The following BCKDHB variants were observed in gnomAD, a reference collection of about 807,000 sequenced individuals.
The protein encoded by BCKDHB is branched chain keto acid dehydrogenase E1 subunit beta.
Under a neutral mutation model 48.5 loss-of-function variants are expected in BCKDHB, and 41 were observed. That is an observed-to-expected ratio of 0.85 (90% CI 0.66 to 1.10). BCKDHB has a LOEUF of 1.10. Ranked by LOEUF, BCKDHB falls within the 50% of genes least tolerant of loss-of-function variation. BCKDHB has a pLI of 0.00. For missense variants in BCKDHB, 496 were observed against 494.2 expected, an observed-to-expected ratio of 1.00 and a Z score of -0.03; for synonymous variants, 201 against 174.8, an observed-to-expected ratio of 1.15 and a Z score of -1.18.
rs187897188 is a variant in BCKDHB, at chr6:80,307,505, C to G, written c.1038+34284C>G. ...TTTCAGATATACCCCCATGAAAGAA[C>G]CTCTGTTAAATTTTCAGTAAATTAA... is the stretch of plus-strand genomic sequence containing the variant. On this transcript the variant is annotated intron_variant, in intron 9 of 9. Transcript: ENST00000320393. The G allele has an allele frequency of 1.6e-5, 16 of 984,652 alleles. No individual in the cohort carries two copies. The African/African-American group carries it at 1.9e-4, about 12-fold the overall frequency. 61.0% of individuals were successfully genotyped at this position (984,652 alleles called of 1,614,324 possible).
chr6:80,437,974 C>T, the BCKDHB span, among the ~76,000 whole-genome samples: 1 of 152,182 alleles, frequency 6.6e-6, no homozygotes, highest in South Asian at 2.1e-4. Flanking sequence ...CTATGCCTGT[C>T]CTGTGTATCT....
chr6:80,307,363 A>G (rs1220930633), intron 9 of BCKDHB: 1 of 926,102 alleles, frequency 1.1e-6, no homozygotes, highest in Non-Finnish European at 1.3e-6. Context: ...AATGTAATAA[A>G]TTGTTTATAT....
chr6:80,231,131 A>T (rs1349328056), intron 8 of BCKDHB, among the ~76,000 whole-genome samples: 1 of 152,234 alleles, frequency 6.6e-6, no homozygotes, highest in Non-Finnish European at 1.5e-5. Context: ...ATTTCAAGTC[A>T]CTTGGGAAGG....
intron 9 of BCKDHB, among the ~76,000 whole-genome samples, chr6:80,342,869 G>A (rs909700035): frequency 2.0e-5 from 3 of 152,124 alleles, no homozygotes; most frequent in Admixed American, 6.5e-5. Context: ...GTTCTACTGT[G>A]GTTGAGGTTT....
rs565006402 is a variant in BCKDHB, at chr6:80,138,562, C to T, written c.343+9333C>T. Among the ~76,000 whole-genome samples the T allele has an allele frequency of 1.9e-3, 296 of 151,966 alleles. 2 individuals are homozygous for T. The highest frequency in any genetic ancestry group is 9.8e-3 in the South Asian group (47 of 4,814). ...TGTGGTGTTTGGTTTTTTGTTCTTG[C>T]GATAGTTTACTGAGAATGATGATTT... On this transcript the variant is annotated intron_variant, in intron 3 of 9. Transcript: ENST00000320393.
chr6:80,453,717 T>C, the BCKDHB span, among the ~76,000 whole-genome samples: 1 of 152,126 alleles, frequency 6.6e-6, no homozygotes, highest in African/African-American at 2.4e-5. Context: ...GGGTGTGCGA[T>C]GGGGGAATCC....
intron 9 of BCKDHB, among the ~76,000 whole-genome samples, chr6:80,309,909 G>A (rs1054153579): frequency 4.6e-5 from 7 of 152,058 alleles, no homozygotes; most frequent in Admixed American, 6.6e-5. Context: ...TTATGTTCAT[G>A]TGTACTCAAT....
the BCKDHB span, among the ~76,000 whole-genome samples, chr6:80,439,617 A>C: frequency 6.6e-6 from 1 of 152,310 alleles, no homozygotes; most frequent in South Asian, 2.1e-4. Context: ...TCATTACTTT[A>C]ATCCTGGGCC....
chr6:80,162,409 C>G (rs1244626904), intron 3 of BCKDHB, among the ~76,000 whole-genome samples: 1 of 152,126 alleles, frequency 6.6e-6, no homozygotes, highest in Non-Finnish European at 1.5e-5. Context: ...CACAGTAGAT[C>G]CCTTCTTCTC....
the BCKDHB span, among the ~76,000 whole-genome samples, chr6:80,400,341 C>T: frequency 2.8e-4 from 43 of 152,024 alleles, no homozygotes; most frequent in Non-Finnish European, 1.8e-4. Flanking sequence ...GGTCTAATAG[C>T]CAGCATCTAT....
At chr6:80,376,851 G>A in the BCKDHB span, among the ~76,000 whole-genome samples, 2 of 152,080 alleles carry the variant, frequency 1.3e-5, no homozygotes, top group Non-Finnish European at 2.9e-5. Flanking sequence ...AGAGGAATAT[G>A]AGAAATATAT....
the BCKDHB span, among the ~76,000 whole-genome samples, chr6:80,363,705 A>G: frequency 2.6e-5 from 4 of 152,338 alleles, no homozygotes; most frequent in South Asian, 4.1e-4. Flanking sequence ...AGAAATGTCC[A>G]TGCTACCCAG....
intron 8 of BCKDHB, among the ~76,000 whole-genome samples, chr6:80,212,610 G>A (rs2127844936): frequency 6.6e-6 from 1 of 152,260 alleles, no homozygotes; most frequent in East Asian, 1.9e-4. Flanking sequence ...GTCCTGAGGT[G>A]ACATATATCC....
intron 3 of BCKDHB, among the ~76,000 whole-genome samples, chr6:80,149,011 A>G (rs1424056166): frequency 2.6e-5 from 4 of 152,204 alleles, no homozygotes; most frequent in African/African-American, 9.6e-5. Context: ...AGCAAAAGAA[A>G]CTACCATCAG....
At chr6:80,196,742 G>C (rs1774147368) in intron 6 of BCKDHB, among the ~76,000 whole-genome samples, 1 of 152,080 alleles carries the variant, frequency 6.6e-6, no homozygotes, top group Admixed American at 6.6e-5. Context: ...AAAAGGAGGA[G>C]GATGGGAAAT....
At chr6:80,270,585 T>C (rs1487042523) in intron 8 of BCKDHB, among the ~76,000 whole-genome samples, 1 of 152,202 alleles carries the variant, frequency 6.6e-6, no homozygotes, top group Non-Finnish European at 1.5e-5. Context: ...ATTATTTCCA[T>C]ATCTGTCAGC....
rs564329379 is a variant in BCKDHB at position 80,188,364 on chromosome 6, G to T, written c.743-12570G>T. ...ACTGGGGATCTACCTGAGGGTGGAG[G>T]GTGGAAGGAGGGTGAGGATCAGAAT... On this transcript the variant is annotated intron_variant, in intron 6 of 9. Coordinates refer to ENST00000320393, the MANE Select transcript of BCKDHB (RefSeq NM_183050.4). Among the ~76,000 whole-genome samples, 4 of 152,234 alleles carry T rather than the reference G, an allele frequency of 2.6e-5. No homozygotes were observed. In the South Asian group the frequency reaches 8.3e-4, roughly 32 times the overall value.
At chr6:80,283,582 A>AT (rs1205938420) in intron 9 of BCKDHB, among the ~76,000 whole-genome samples, 1 of 152,108 alleles carries the variant, frequency 6.6e-6, no homozygotes, top group African/African-American at 2.4e-5. Flanking sequence ...AGTAAAATAG[A>AT]TTCTCTGAAG....
At chr6:80,180,108 A>G (rs1773342910) in intron 6 of BCKDHB, among the ~76,000 whole-genome samples, 1 of 152,200 alleles carries the variant, frequency 6.6e-6, no homozygotes, top group Non-Finnish European at 1.5e-5. Flanking sequence ...CTTTCAATTC[A>G]ACCATTAACT....
Sources: allele counts gnomAD v4.1 joint callset (sites outside exome capture counted in the v4.1 genomes callset), GRCh38; gene constraint gnomAD v4.1.1; transcripts MANE v1.5; gene names NCBI Gene and HGNC (gene_info 2026-07-23, HGNC 2026-07-21).